KSR2: variants seen among roughly 807,000 people sequenced by gnomAD.
KSR2 encodes kinase suppressor of ras 2.
A neutral mutation model predicts 107.8 loss-of-function variants in KSR2; 25 were observed. The ratio of observed to expected loss-of-function variants is 0.23; its 90% CI spans 0.17 to 0.32. The LOEUF (loss-of-function observed/expected upper bound fraction) is 0.32, where lower values mean the gene tolerates loss of function less well. KSR2 is among the 10% of genes least tolerant of loss of function. The pLI, the probability that KSR2 is intolerant of heterozygous loss-of-function variation, is 1.00. For synonymous variants in KSR2, 480 were observed against 507.0 expected (o/e 0.95, Z 0.71); for missense variants, 887 against 1,268.9 (o/e 0.70, Z 4.57).
chr12:117,827,671 A>C (rs1446089619), intron 3 of KSR2, among the ~76,000 whole-genome samples: 1 of 152,234 alleles, frequency 6.6e-6, no homozygotes, highest in Non-Finnish European at 1.5e-5. Context: ...TTTAGCACTT[A>C]CAATGTATAA....
At chr12:117,721,744 A>T (rs1269515504) in intron 4 of KSR2, among the ~76,000 whole-genome samples, 1 of 152,236 alleles carries the variant, frequency 6.6e-6, no homozygotes, top group Non-Finnish European at 1.5e-5. Context: ...AAGAAAAGAA[A>T]CTGGCATCTT....
intron 5 of KSR2, among the ~76,000 whole-genome samples, chr12:117,618,257 T>TATATTC (rs1881989084): frequency 6.6e-6 from 1 of 152,082 alleles, no homozygotes; most frequent in Non-Finnish European, 1.5e-5. Context: ...TATTTCTAGT[T>TATATTC]TACCCTTACT....
At chr12:117,646,965 G>A (rs1285348302) in intron 5 of KSR2, among the ~76,000 whole-genome samples, 1 of 152,184 alleles carries the variant, frequency 6.6e-6, no homozygotes, top group African/African-American at 2.4e-5. Context: ...AGGAGAGGGA[G>A]AAAGAGCCAG....
At chr12:117,658,760 G>C (rs1282536389) in intron 5 of KSR2, among the ~76,000 whole-genome samples, 1 of 152,102 alleles carries the variant, frequency 6.6e-6, no homozygotes, top group Non-Finnish European at 1.5e-5. Context: ...AGGCTTGTTG[G>C]GGAGGAGGGT....
At chr12:117,642,562 A>C (rs960698587) in intron 5 of KSR2, among the ~76,000 whole-genome samples, 5 of 152,158 alleles carry the variant, frequency 3.3e-5, no homozygotes, top group Non-Finnish European at 5.9e-5. Flanking sequence ...ACTTAGCTGG[A>C]CCATGTTGTC....
chr12:117,609,790 C>T (rs1284957043), intron 5 of KSR2, among the ~76,000 whole-genome samples: 7 of 152,148 alleles, frequency 4.6e-5, no homozygotes, highest in Admixed American at 2.0e-4. Context: ...AGATATTGAG[C>T]TGTATCCCTG....
chr12:117,737,639 C>T (rs760358594), intron 4 of KSR2, among the ~76,000 whole-genome samples: 7 of 151,842 alleles, frequency 4.6e-5, no homozygotes, highest in African/African-American at 1.2e-4. Flanking sequence ...AAAAATCAGC[C>T]GGGCATGGTG....
chr12:117,653,952 C>G (rs2090440), intron 5 of KSR2, among the ~76,000 whole-genome samples: 124,698 of 152,140 alleles, frequency 0.82, 51,439 homozygotes, highest in South Asian at 0.94. Context: ...AGGTGTCAGT[C>G]GCCGACAGGG....
chr12:117,493,056 G>C (rs1872831158), intron 14 of KSR2, among the ~76,000 whole-genome samples: 1 of 152,202 alleles, frequency 6.6e-6, no homozygotes, highest in South Asian at 2.1e-4. Flanking sequence ...TAAGACAGTG[G>C]GGCAGTAAGT....
chr12:117,837,361 A>T (rs1892263174), intron 3 of KSR2, among the ~76,000 whole-genome samples: 1 of 152,164 alleles, frequency 6.6e-6, no homozygotes. Flanking sequence ...CATCTTGTGC[A>T]CCGATTTCAA....
chr12:117,585,003 A>C (rs752470781), intron 5 of KSR2, among the ~76,000 whole-genome samples: 2 of 152,146 alleles, frequency 1.3e-5, no homozygotes, highest in Non-Finnish European at 1.5e-5. Flanking sequence ...TCTTCCCCCT[A>C]GGGGATATCT....
intron 5 of KSR2, among the ~76,000 whole-genome samples, chr12:117,633,217 A>T (rs1007640363): frequency 6.6e-6 from 1 of 152,152 alleles, no homozygotes; most frequent in Non-Finnish European, 1.5e-5. Flanking sequence ...ATTTCCTTTC[A>T]ATTCTCTAAA....
chr12:117,753,578 C>A (rs565733576), intron 4 of KSR2, among the ~76,000 whole-genome samples: 3 of 152,204 alleles, frequency 2.0e-5, no homozygotes, highest in Admixed American at 6.5e-5. Flanking sequence ...AACCAAATAC[C>A]GCATGTTCTC....
intron 1 of KSR2, among the ~76,000 whole-genome samples, chr12:117,909,930 ATC>A (rs1424899196): frequency 3.9e-4 from 59 of 151,760 alleles, no homozygotes; most frequent in African/African-American, 1.4e-3. Flanking sequence ...AAAAAAGATT[ATC>A]TCAAGGCAAG....
chr12:117,787,042 A>AG (rs1890101986), intron 3 of KSR2, among the ~76,000 whole-genome samples: 1 of 151,960 alleles, frequency 6.6e-6, no homozygotes, highest in African/African-American at 2.4e-5. Context: ...AAAAAAAAAA[A>AG]ATTATGTATA....
At chr12:117,526,794 C>T (rs192724815) in intron 13 of KSR2, among the ~76,000 whole-genome samples, 155 of 152,330 alleles carry the variant, frequency 1.0e-3, no homozygotes, top group Non-Finnish European at 1.8e-4. Flanking sequence ...GGTATTCACC[C>T]GGCCCTGAGC....
At chr12:117,622,276 C>A (rs994983519) in intron 5 of KSR2, among the ~76,000 whole-genome samples, 5 of 152,034 alleles carry the variant, frequency 3.3e-5, no homozygotes, top group Admixed American at 1.3e-4. Context: ...AGGATTAAAT[C>A]ATCATTTCCT....
intron 5 of KSR2, among the ~76,000 whole-genome samples, chr12:117,657,065 C>G (rs1164702725): frequency 6.7e-6 from 1 of 148,300 alleles, no homozygotes; most frequent in Non-Finnish European, 1.5e-5. Context: ...CTGCGAAACT[C>G]TCCATTTCTA....
intron 14 of KSR2, among the ~76,000 whole-genome samples, chr12:117,515,041 T>C (rs1412802084): frequency 1.3e-5 from 2 of 152,164 alleles, no homozygotes; most frequent in African/African-American, 4.8e-5. Flanking sequence ...CAGGTCCCCA[T>C]GTACCCCTGG....
Sources: gnomAD v4.1 joint callset for allele counts (sites outside exome capture counted in the v4.1 genomes callset) on GRCh38, gnomAD v4.1.1 for gene constraint, MANE v1.5 for transcripts, NCBI Gene and HGNC (gene_info 2026-07-23, HGNC 2026-07-21) for gene names.